Variants in ATP11A observed in about 807,000 individuals in gnomAD.
The protein encoded by ATP11A is phospholipid-transporting ATPase IH.
ATP11A carries 81 observed loss-of-function variants against 154.4 expected under a neutral mutation model. The ratio of observed to expected loss-of-function variants is 0.52; its 90% CI spans 0.44 to 0.63. The LOEUF (loss-of-function observed/expected upper bound fraction) is 0.63. Among genes scored for constraint, ATP11A ranks in the 30% least tolerant of loss-of-function variants. The pLI is 0.00. For synonymous variants in ATP11A, 623 were observed against 585.9 expected (o/e 1.06, Z -0.91); for missense variants, 1,316 against 1,474.3 (o/e 0.89, Z 1.76).
chr13:112,757,777 C>G (rs1476801500), intron 1 of ATP11A, among the ~76,000 whole-genome samples: 3 of 152,246 alleles, frequency 2.0e-5, no homozygotes, highest in African/African-American at 7.2e-5. Flanking sequence ...AATACCTACT[C>G]AAAACGTCTT....
At position 112,785,180 on chromosome 13, in the gene ATP11A, G is replaced by A; in HGVS notation, c.85G>A (p.Gly29Arg). ...GGTGGACAGCAGGACCATCTACGTG[G>A]GACACAGGGAGCCACCTCCGGGCGC... ...NWVDSRTIYV[G>R]HREPPPGAEA... The change falls in exon 2 of 30, where the codon GGA becomes AGA. Residue 29 changes from glycine to arginine, a missense_variant. By Grantham distance (125) the Gly-to-Arg change is moderately radical (BLOSUM62 -2). Coordinates refer to ENST00000375645, the MANE Select transcript of ATP11A (RefSeq NM_015205.3). This position sits in a 1 kb window ranked among gnomAD's most constrained non-coding sequence, Gnocchi z 4.8. 1 of 1,578,410 alleles carries A rather than the reference G, an allele frequency of 6.3e-7. No individual in the cohort carries two copies. The highest frequency in any genetic ancestry group is 1.8e-5 in the Admixed American group (1 of 54,600).
rs190777573 is a variant in ATP11A, at chr13:112,837,135, C to T, written c.1705+884C>T. The stretch of plus-strand genomic sequence containing the variant: ...CTGGACAGGCAGGGCCCGTGGGCTC[C>T]GTCTGCAGAGGCCACCCCTTTGCAT... On this transcript the variant is annotated intron_variant, in intron 16 of 29. Transcript: ENST00000375645. Among the ~76,000 whole-genome samples the T allele has an allele frequency of 6.6e-5, 10 of 152,328 alleles. No homozygotes were observed. In the East Asian group the frequency reaches 1.4e-3, roughly 21 times the overall value.
At chr13:112,778,606 G>C (rs1462720660) in intron 1 of ATP11A, among the ~76,000 whole-genome samples, 1 of 151,032 alleles carries the variant, frequency 6.6e-6, no homozygotes, top group Admixed American at 6.6e-5. Context: ...GTAGCCGCTG[G>C]TTTGAGGAGT....
chr13:112,742,986 A>C (rs933066550), intron 1 of ATP11A, among the ~76,000 whole-genome samples: 5 of 152,192 alleles, frequency 3.3e-5, no homozygotes, highest in Admixed American at 1.3e-4. Context: ...CTGTGAATCT[A>C]GTTAGGTTTC....
At chr13:112,705,387 GC>G (rs1566355751) in intron 1 of ATP11A, among the ~76,000 whole-genome samples, 18 of 152,196 alleles carry the variant, frequency 1.2e-4, no homozygotes, top group African/African-American at 4.3e-4. Context: ...GGGGTGCTCA[GC>G]AGTTGATGTT....
chr13:112,830,354 C>T (rs946705919), intron 12 of ATP11A, among the ~76,000 whole-genome samples: 2 of 152,108 alleles, frequency 1.3e-5, no homozygotes, highest in Non-Finnish European at 2.9e-5. Context: ...GTGGGTGGAT[C>T]GCCTGAGGTC....
intron 4 of ATP11A, among the ~76,000 whole-genome samples, chr13:112,809,631 T>C (rs892779668): frequency 1.3e-5 from 2 of 152,170 alleles, no homozygotes; most frequent in African/African-American, 4.8e-5. Flanking sequence ...GGCAGAGCTG[T>C]GTTTCCAATT....
At chr13:112,794,883 A>C (rs892788438) in intron 2 of ATP11A, among the ~76,000 whole-genome samples, 1 of 151,498 alleles carries the variant, frequency 6.6e-6, no homozygotes, top group Non-Finnish European at 1.5e-5. Context: ...AGAAAAGAAA[A>C]GAAAAAAAGA....
chr13:112,706,541 T>C (rs1291090637), intron 1 of ATP11A, among the ~76,000 whole-genome samples: 1 of 152,246 alleles, frequency 6.6e-6, no homozygotes, highest in Non-Finnish European at 1.5e-5. Flanking sequence ...TTTGAATAAG[T>C]GCTCTCTTTC....
intron 28 of ATP11A, among the ~76,000 whole-genome samples, chr13:112,877,960 T>C (rs1375247906): frequency 6.6e-6 from 1 of 151,876 alleles, no homozygotes; most frequent in African/African-American, 2.4e-5. Context: ...GGAATGCTTA[T>C]GAACAGCTAC....
intron 1 of ATP11A, among the ~76,000 whole-genome samples, chr13:112,774,857 T>G (rs2077308084): frequency 6.6e-6 from 1 of 152,228 alleles, no homozygotes; most frequent in Non-Finnish European, 1.5e-5. Context: ...GCAACACACA[T>G]GTCTACCGGC....
At chr13:112,742,053 C>T (rs1199535352) in intron 1 of ATP11A, among the ~76,000 whole-genome samples, 2 of 152,038 alleles carry the variant, frequency 1.3e-5, no homozygotes, top group Non-Finnish European at 2.9e-5. Flanking sequence ...AGTGCTCCCC[C>T]TCCCCACAGT....
rs180843611 is a variant in ATP11A, at chr13:112,709,771, C to T, written c.39+19316C>T. ...AAAATGTATAAAACCAAGCTGCGCC[C>T]GACCACCTTGGACACATGTTCTCAG... is the stretch of plus-strand genomic sequence containing the variant. On this transcript the variant is annotated intron_variant, in intron 1 of 29. Coordinates refer to ENST00000375645, the MANE Select transcript of ATP11A (RefSeq NM_015205.3). Among the ~76,000 whole-genome samples, 155 of 152,354 alleles carry T rather than the reference C, an allele frequency of 1.0e-3. No individual in the cohort carries two copies. In the East Asian group the frequency reaches 0.012, roughly 12 times the overall value.
At chr13:112,718,379 G>A (rs2139615207) in intron 1 of ATP11A, among the ~76,000 whole-genome samples, 1 of 152,322 alleles carries the variant, frequency 6.6e-6, no homozygotes, top group Middle Eastern at 3.4e-3. Context: ...GCCAGCCAAA[G>A]CCAAGTGTTT....
intron 1 of ATP11A, among the ~76,000 whole-genome samples, chr13:112,702,455 G>A (rs1179035409): frequency 1.3e-5 from 2 of 152,188 alleles, no homozygotes; most frequent in South Asian, 2.1e-4. Context: ...GCCTCGGAAG[G>A]CGTGCACACG....
intron 1 of ATP11A, among the ~76,000 whole-genome samples, chr13:112,761,820 CTG>C (rs1409481827): frequency 6.6e-6 from 1 of 152,226 alleles, no homozygotes; most frequent in African/African-American, 2.4e-5. Flanking sequence ...GGCTGGAACA[CTG>C]TGGCTCATTC....
chr13:112,824,099 G>A (rs938414303), intron 9 of ATP11A, among the ~76,000 whole-genome samples: 5 of 152,064 alleles, frequency 3.3e-5, no homozygotes, highest in Non-Finnish European at 7.4e-5. Context: ...GACATGGTGG[G>A]CCCAGTGTAT....
chr13:112,729,634 G>A (rs1404574302), intron 1 of ATP11A, among the ~76,000 whole-genome samples: 1 of 152,252 alleles, frequency 6.6e-6, no homozygotes, highest in Non-Finnish European at 1.5e-5. Context: ...CGGACCTGGA[G>A]CATGTAACAC....
chr13:112,853,759 G>A (rs112369756), intron 18 of ATP11A, among the ~76,000 whole-genome samples: 18 of 152,294 alleles, frequency 1.2e-4, no homozygotes, highest in African/African-American at 3.8e-4. Flanking sequence ...GCACCTGTTG[G>A]CCATAGAATC....
Sources: gnomAD v4.1 joint callset for allele counts (sites outside exome capture counted in the v4.1 genomes callset) on GRCh38, gnomAD v4.1.1 for gene constraint, Gnocchi (gnomAD v3.1) non-coding constraint, MANE v1.5 for transcripts, NCBI Gene and HGNC (gene_info 2026-07-23, HGNC 2026-07-21) for gene names.